Variants in LMCD1 observed in about 807,000 individuals in gnomAD.
The protein encoded by LMCD1 is LIM and cysteine-rich domains protein 1.
In LMCD1, 32 loss-of-function variants were observed where a neutral mutation model predicts 42.7. The observed-to-expected ratio is 0.75, with a 90% CI of 0.57 to 1.01. The LOEUF is 1.01. Among genes scored for constraint, LMCD1 ranks in the 50% least tolerant of loss-of-function variants. LMCD1 has a pLI of 0.00. For synonymous variants in LMCD1, 178 were observed against 184.9 expected, an observed-to-expected ratio of 0.96 and a Z score of 0.30; for missense variants, 458 against 483.1, an observed-to-expected ratio of 0.95 and a Z score of 0.49.
chr3:8,507,997 C>T (rs967697129), intron 1 of LMCD1, among the ~76,000 whole-genome samples: 4 of 152,188 alleles, frequency 2.6e-5, no homozygotes, highest in African/African-American at 9.7e-5. Flanking sequence ...TCTTTGATAT[C>T]TCTTGGTCAC....
At chr3:8,565,282 C>A in intron 4 of LMCD1, 150 bp from the exon 5 acceptor site, 1 of 680,742 alleles carries the variant, frequency 1.5e-6, no homozygotes. Flanking sequence ...TATTGTGTCG[C>A]TTTGCAGATG....
chr3:8,546,487 A>G (rs66531472), intron 3 of LMCD1, among the ~76,000 whole-genome samples: 17,190 of 152,182 alleles, frequency 0.11, 1,145 homozygotes, highest in South Asian at 0.22. Context: ...AACCTGTGCA[A>G]AGAGACGGCA....
intron 1 of LMCD1, among the ~76,000 whole-genome samples, chr3:8,527,693 T>G (rs1206335543): frequency 6.6e-6 from 1 of 152,190 alleles, no homozygotes; most frequent in Non-Finnish European, 1.5e-5. Context: ...TTGAATAGAA[T>G]TTTGTGTCAA....
In LMCD1 at chr3:8,548,786, G is replaced by C; in HGVS notation, c.606G>C (p.Pro202=). The part of the protein sequence containing the change: ...EALGVGEVAL[P]GQGGLPKEEG... Reference sequence around the variant, plus strand: ...TCGGCGTGGGAGAAGTGGCCCTCCCGGGGCAGGGTGGCTTGCCCAAGGAGG... The same window carrying C: ...TCGGCGTGGGAGAAGTGGCCCTCCCCGGGCAGGGTGGCTTGCCCAAGGAGG... Residue 202 remains proline, a synonymous_variant, in exon 4 of 6, where the codon CCG becomes CCC. Coordinates refer to ENST00000157600, the MANE Select transcript of LMCD1 (RefSeq NM_014583.4). The C allele has an allele frequency of 7.5e-6, 12 of 1,610,678 alleles. No individual in the cohort carries two copies. Among genetic ancestry groups the C allele is most frequent in the Non-Finnish European group, 1.0e-5 (12 of 1,177,124 alleles).
intron 1 of LMCD1, among the ~76,000 whole-genome samples, chr3:8,502,362 T>A (rs1190651512): frequency 2.9e-5 from 2 of 70,052 alleles, no homozygotes; most frequent in African/African-American, 6.8e-5. Context: ...ATAATATATA[T>A]TATATAAAAT....
At chr3:8,557,301 C>A (rs556013513) in intron 4 of LMCD1, among the ~76,000 whole-genome samples, 1 of 152,274 alleles carries the variant, frequency 6.6e-6, no homozygotes, top group Admixed American at 6.5e-5. Flanking sequence ...TAAATAGTCA[C>A]CATAAGAGGA....
At chr3:8,543,420 TAGATAGATAGATA>T (rs1694670214) in intron 3 of LMCD1, among the ~76,000 whole-genome samples, 4 of 138,956 alleles carry the variant, frequency 2.9e-5, no homozygotes, top group Admixed American at 2.1e-4. Context: ...GATAGATAGA[TAGATAGATAGATA>T]GATAGATAGA....
At chr3:8,508,320 T>C (rs959560426) in intron 1 of LMCD1, among the ~76,000 whole-genome samples, 12 of 151,870 alleles carry the variant, frequency 7.9e-5, no homozygotes, top group African/African-American at 2.9e-4. Context: ...AAGCCAAACA[T>C]GGCCTGGGCC....
intron 1 of LMCD1, among the ~76,000 whole-genome samples, chr3:8,528,371 T>A (rs1300286537): frequency 6.6e-6 from 1 of 152,098 alleles, no homozygotes; most frequent in Non-Finnish European, 1.5e-5. Flanking sequence ...TGTTGTTGTT[T>A]TCCTGTAGGG....
At chr3:8,558,244 C>T (rs1694963221) in intron 4 of LMCD1, among the ~76,000 whole-genome samples, 1 of 152,212 alleles carries the variant, frequency 6.6e-6, no homozygotes. Context: ...ATGACTTAAA[C>T]ACCCATGGCT....
intron 1 of LMCD1, among the ~76,000 whole-genome samples, chr3:8,522,473 G>T (rs1194550582): frequency 6.6e-6 from 1 of 152,172 alleles, no homozygotes; most frequent in African/African-American, 2.4e-5. Context: ...CACGGTGATT[G>T]GAACAGAGAC....
intron 1 of LMCD1, among the ~76,000 whole-genome samples, chr3:8,531,151 A>G (rs1694405068): frequency 6.6e-6 from 1 of 152,224 alleles, no homozygotes; most frequent in African/African-American, 2.4e-5. Context: ...TGGCTTCACA[A>G]GTTTCACTGC....
intron 4 of LMCD1, among the ~76,000 whole-genome samples, chr3:8,555,449 G>A (rs1694917528): frequency 6.6e-6 from 1 of 152,128 alleles, no homozygotes; most frequent in Non-Finnish European, 1.5e-5. Flanking sequence ...CCAGAGACAA[G>A]CCTGGGGTCA....
chr3:8,562,529 G>A (rs559886211), intron 4 of LMCD1, among the ~76,000 whole-genome samples: 5 of 152,262 alleles, frequency 3.3e-5, no homozygotes, highest in South Asian at 2.1e-4. Flanking sequence ...CTTGGGCCTC[G>A]CTGGTCTTAT....
At chr3:8,517,951 T>C (rs1315047679) in intron 1 of LMCD1, among the ~76,000 whole-genome samples, 3 of 152,048 alleles carry the variant, frequency 2.0e-5, no homozygotes, top group Non-Finnish European at 2.9e-5. Context: ...CATATAATGC[T>C]TAATTATTCT....
intron 2 of LMCD1, among the ~76,000 whole-genome samples, chr3:8,536,139 C>T (rs542869838): frequency 6.6e-6 from 1 of 152,274 alleles, no homozygotes; most frequent in South Asian, 2.1e-4. Flanking sequence ...TCAGCCTTGC[C>T]GATCATTCAG....
At chr3:8,523,592 C>T (rs752446561) in intron 1 of LMCD1, among the ~76,000 whole-genome samples, 2 of 152,220 alleles carry the variant, frequency 1.3e-5, no homozygotes, top group African/African-American at 4.8e-5. Flanking sequence ...GAAGCCCTAG[C>T]GTGGGGGCTT....
intron 1 of LMCD1, among the ~76,000 whole-genome samples, chr3:8,516,876 A>G (rs1242632222): frequency 6.6e-6 from 1 of 152,222 alleles, no homozygotes; most frequent in Non-Finnish European, 1.5e-5. Context: ...AATTTCAACC[A>G]TGTCGTACCT....
At chr3:8,504,264 C>T (rs544138576) in intron 1 of LMCD1, among the ~76,000 whole-genome samples, 10 of 152,304 alleles carry the variant, frequency 6.6e-5, no homozygotes, top group South Asian at 2.1e-4. Flanking sequence ...TTAAGTACTA[C>T]GTGATATCAG....
Sources: allele counts gnomAD v4.1 joint callset (sites outside exome capture counted in the v4.1 genomes callset), GRCh38; gene constraint gnomAD v4.1.1; transcripts MANE v1.5; gene names NCBI Gene and HGNC (gene_info 2026-07-23, HGNC 2026-07-21).